Variants in USP29 observed in about 807,000 individuals in gnomAD.
The protein encoded by USP29 is ubiquitin carboxyl-terminal hydrolase 29.
For missense variants in USP29, 1,102 were observed against 1,069.0 expected, an observed-to-expected ratio of 1.03 and a Z score of -0.43; for synonymous variants, 386 against 387.4, an observed-to-expected ratio of 1.00 and a Z score of 0.04.
rs779192938 is a variant in USP29, at chr19:57,129,203, T to G, written c.528T>G (p.Asp176Glu). ...AGGGGCAAAACACACTATCATCTGA[T>G]GTACAGACAAATGAGGACATTCTGA... ...GGKGQNTLSSDVQTNEDILKE... is the reference protein window; with the variant it reads ...GGKGQNTLSSEVQTNEDILKE... The change falls in exon 4 of 4, where the codon GAT (aspartate) becomes GAG (glutamate). Residue 176 changes from aspartate to glutamate, a missense_variant. Transcript: ENST00000254181. The G allele has an allele frequency of 6.2e-7, 1 of 1,612,792 alleles. No homozygotes were observed. Among genetic ancestry groups the G allele is most frequent in the Non-Finnish European group, 8.5e-7 (1 of 1,179,532 alleles).
intron 3 of USP29, among the ~76,000 whole-genome samples, chr19:57,128,161 C>A (rs994582391): frequency 6.6e-6 from 1 of 152,184 alleles, no homozygotes; most frequent in Non-Finnish European, 1.5e-5. Context: ...AAATCGCCCA[C>A]CTTCTGCATT....
rs370590594 is a variant in USP29, at chr19:57,130,416, A to G, written c.1741A>G (p.Met581Val). ...GATCAACAGCCCATTGACACCATCAATGAAGCTGACCTCAGAATCCAGTGA... is the reference window on the plus strand; with the variant it reads ...GATCAACAGCCCATTGACACCATCAGTGAAGCTGACCTCAGAATCCAGTGA... ...SEINSPLTPS[M>V]KLTSESSDSL... The change falls in exon 4 of 4, where the codon ATG becomes GTG. Residue 581 changes from methionine to valine, a missense_variant. Coordinates refer to ENST00000254181, the MANE Select transcript of USP29 (RefSeq NM_020903.3). The G allele has an allele frequency of 1.2e-6, 2 of 1,614,212 alleles. No individual in the cohort carries two copies. The highest frequency in any genetic ancestry group is 1.7e-5 in the Admixed American group (1 of 60,020).
chr19:57,122,513 A>ATGTGTGTGTGTGTGTG (rs761754087), intron 2 of USP29, 39 bp downstream of exon 2: 1 of 135,422 alleles, frequency 7.4e-6, no homozygotes, highest in Non-Finnish European at 1.6e-5. Context: ...GGGTGATGGG[A>ATGTGTGTGTGTGTGTG]TGTGTGTGTG....
intron 3 of USP29, among the ~76,000 whole-genome samples, chr19:57,128,260 G>T (rs1216607114): frequency 6.6e-6 from 1 of 152,106 alleles, no homozygotes; most frequent in Non-Finnish European, 1.5e-5. Context: ...TTTATGTAGC[G>T]ATGAGGTCTC....
intron 3 of USP29, among the ~76,000 whole-genome samples, chr19:57,125,730 G>T (rs2086820427): frequency 6.6e-6 from 1 of 152,036 alleles, no homozygotes; most frequent in Non-Finnish European, 1.5e-5. Context: ...TTGCCAGTCT[G>T]TATCTTTTAA....
In USP29 at chr19:57,130,671, G is replaced by T. The variant is rs774875326; in HGVS notation, c.1996G>T (p.Gly666Ter). The change falls in exon 4 of 4, where the codon GGA becomes TGA. Residue 666 changes from glycine (G) to a stop codon, truncating the protein, a stop_gained. Transcript: ENST00000254181. LOFTEE classifies it low-confidence loss of function (END_TRUNC). ...TTCTCTTCCTGTGATGTATGAAGAT[G>T]GAGGGAAGCTGATCAGCAGCCCAGA... ...DISLPVMYED[G>*]GKLISSPDTR... The T allele has an allele frequency of 2.5e-6, 4 of 1,614,170 alleles. No homozygotes were observed. Among genetic ancestry groups the T allele is most frequent in the Admixed American group, 1.7e-5 (1 of 60,010 alleles).
Position 57,130,389 on chromosome 19 carries a change from G to C in USP29, c.1714G>C (p.Glu572Gln). ...VLEVSQEMIS[E>Q]INSPLTPSMK... Reference sequence around the variant, plus strand: ...GGAAGTCTCTCAGGAGATGATTTCTGAGATCAACAGCCCATTGACACCATC... The same window carrying C: ...GGAAGTCTCTCAGGAGATGATTTCTCAGATCAACAGCCCATTGACACCATC... Residue 572 changes from glutamate (E) to glutamine (Q), a missense_variant, in exon 4 of 4, where the codon GAG (glutamate) becomes CAG (glutamine). By Grantham distance (29) the Glu-to-Gln change is conservative. Transcript: ENST00000254181. 1 of 1,614,184 alleles carries C rather than the reference G, an allele frequency of 6.2e-7. No individual in the cohort carries two copies. Among genetic ancestry groups the C allele is most frequent in the Non-Finnish European group, 8.5e-7 (1 of 1,180,018 alleles).
chr19:57,125,953 G>T (rs552257558), intron 3 of USP29, among the ~76,000 whole-genome samples: 245 of 152,254 alleles, frequency 1.6e-3, no homozygotes, highest in Non-Finnish European at 2.7e-3. Flanking sequence ...TGTAAGGTAG[G>T]CCTGGTGGTG....
chr19:57,128,844 A>T lies in USP29; in HGVS notation c.169A>T (p.Ile57Phe). 6.2e-7 allele frequency: 1 copy of T among 1,614,028 alleles called. No homozygotes were observed. Among genetic ancestry groups the T allele is most frequent in the African/African-American group, 1.3e-5 (1 of 75,058 alleles). ...FIRIFQLSNNIRSVVLRHCKK... is the reference protein window; with the variant it reads ...FIRIFQLSNNFRSVVLRHCKK... ...AAGAATTTTTCAGCTGAGCAACAAC[A>T]TTAGAAGTGTGGTCCTTAGACATTG... Residue 57 changes from isoleucine to phenylalanine, a missense_variant, in exon 4 of 4, where the codon ATT becomes TTT. Ile to Phe is a conservative substitution (Grantham distance 21). Transcript: ENST00000254181.
At chr19:57,122,292 C>T (rs2086801682) in intron 1 of USP29, 33 bp from the exon 2 acceptor site, 2 of 152,096 alleles carry the variant, frequency 1.3e-5, no homozygotes, top group South Asian at 2.1e-4. Context: ...ATCATAATCA[C>T]TGTCAGACTC....
chr19:57,131,805 A>G lies in USP29; in HGVS notation c.*361A>G, dbSNP rs1485950074. ...CAGAAACAGGAGGTGTGAGCCAGCA[A>G]TCAGATGGAGATTCTAGTGCTCATG... On this transcript the variant is annotated 3_prime_UTR_variant, in exon 4 of 4. Coordinates refer to ENST00000254181, the MANE Select transcript of USP29 (RefSeq NM_020903.3). 1.3e-5 allele frequency: 3 copies of G among 225,310 alleles called. No individual in the cohort carries two copies. The highest frequency in any genetic ancestry group is 5.2e-5 in the Admixed American group (1 of 19,150). The allele number at this position is 225,310 out of a possible 1,614,324, so 14.0% of individuals were successfully genotyped here.
At position 57,129,641 on chromosome 19, in the gene USP29, T is replaced by C. The variant is rs1298886726; in HGVS notation, c.966T>C (p.Tyr322=). The C allele has an allele frequency of 2.5e-6, 4 of 1,614,136 alleles. No individual in the cohort carries two copies. The highest frequency in any genetic ancestry group is 3.4e-6 in the Non-Finnish European group (4 of 1,180,052). Reference sequence around the variant, plus strand: ...TCACTCAAGGTGTCCCATGGGAATATATTCCCTTTGAGGCTCTTATTATGA... The same window carrying C: ...TCACTCAAGGTGTCCCATGGGAATACATTCCCTTTGAGGCTCTTATTATGA... ...DLLTQGVPWE[Y]IPFEALIMTL... The change falls in exon 4 of 4, where the codon TAT becomes TAC. Residue 322 remains tyrosine (Y), a synonymous_variant. Coordinates refer to ENST00000254181, the MANE Select transcript of USP29 (RefSeq NM_020903.3).
intron 3 of USP29, among the ~76,000 whole-genome samples, chr19:57,127,859 T>C (rs1328207265): frequency 2.0e-5 from 3 of 152,056 alleles, no homozygotes; most frequent in Non-Finnish European, 2.9e-5. Flanking sequence ...TAGCTCGGTG[T>C]CTCCCCGAAC....
intron 1 of USP29, among the ~76,000 whole-genome samples, chr19:57,120,904 G>A (rs1340514881): frequency 1.3e-5 from 2 of 151,246 alleles, no homozygotes; most frequent in Admixed American, 1.3e-4. Context: ...AGACTGCCTG[G>A]GCAACATAGC....
chr19:57,126,437 T>C (rs1047632967), intron 3 of USP29, among the ~76,000 whole-genome samples: 3 of 152,188 alleles, frequency 2.0e-5, no homozygotes, highest in East Asian at 3.9e-4. Context: ...CCCATGTTTC[T>C]TGGAGCCTTT....
chr19:57,124,021 C>T lies in USP29; in HGVS notation c.-117-18C>T, dbSNP rs1282531949. ...TAAACCTCAGTTTCAGGACTCTGAC[C>T]TTTTTGTTTCTTCCTAGTAACAGCC... On this transcript the variant is annotated intron_variant, in intron 2 of 3. Transcript: ENST00000254181. The T allele has an allele frequency of 6.6e-6, 1 of 152,138 alleles. No individual in the cohort carries two copies. Among genetic ancestry groups the T allele is most frequent in the Non-Finnish European group, 1.5e-5 (1 of 68,026 alleles). 9.4% of individuals were successfully genotyped at this position (152,138 alleles called of 1,614,324 possible).
intron 3 of USP29, 77 bp from the exon 4 acceptor site, chr19:57,128,583 A>G: frequency 1.5e-6 from 2 of 1,346,924 alleles, no homozygotes; most frequent in Non-Finnish European, 9.9e-7. Flanking sequence ...TCATTATTAT[A>G]TGTGGATGAG....
In USP29 at chr19:57,129,833, A is replaced by G; in HGVS notation, c.1158A>G (p.Glu386=). 6.2e-7 allele frequency: 1 copy of G among 1,614,226 alleles called. No individual in the cohort carries two copies. The highest frequency in any genetic ancestry group is 8.5e-7 in the Non-Finnish European group (1 of 1,180,042). The change falls in exon 4 of 4, where the codon GAA becomes GAG. Residue 386 remains glutamate (E), a synonymous_variant. Transcript: ENST00000254181. ...FLGQCLDQLK[E]DMEKLNATLN... Reference sequence around the variant, plus strand: ...GTCAGTGTTTAGACCAGCTGAAAGAAGACATGGAAAAATTAAATGCCACTT... The same window carrying G: ...GTCAGTGTTTAGACCAGCTGAAAGAGGACATGGAAAAATTAAATGCCACTT...
At chr19:57,128,220 G>C (rs533731729) in intron 3 of USP29, among the ~76,000 whole-genome samples, 2 of 152,206 alleles carry the variant, frequency 1.3e-5, no homozygotes, top group Admixed American at 6.5e-5. Context: ...TGGCCATCTT[G>C]GCCCCGCCCC....
Sources: gnomAD v4.1 joint callset for allele counts (sites outside exome capture counted in the v4.1 genomes callset) on GRCh38, gnomAD v4.1.1 for gene constraint, MANE v1.5 for transcripts, NCBI Gene and HGNC (gene_info 2026-07-23, HGNC 2026-07-21) for gene names.